CAMSAP1: variants seen among roughly 807,000 people sequenced by gnomAD.
CAMSAP1 encodes the protein calmodulin-regulated spectrin-associated protein 1.
CAMSAP1 carries 58 observed loss-of-function variants against 143.5 expected under a neutral mutation model. The observed-to-expected ratio is 0.40, with a 90% CI of 0.33 to 0.50. The LOEUF (loss-of-function observed/expected upper bound fraction) is 0.50. CAMSAP1 is among the 20% of genes least tolerant of loss of function. The pLI, the probability that CAMSAP1 is intolerant of heterozygous loss-of-function variation, is 0.45. For synonymous variants in CAMSAP1, 945 were observed against 859.3 expected (o/e 1.10, Z -1.74); for missense variants, 1,969 against 2,115.7 (o/e 0.93, Z 1.36).
At chr9:135,906,487 G>C (rs185923176) in intron 1 of CAMSAP1, among the ~76,000 whole-genome samples, 1 of 152,360 alleles carries the variant, frequency 6.6e-6, no homozygotes, top group Admixed American at 6.5e-5. Flanking sequence ...ATTAACCAAA[G>C]GGGATCATTA....
chr9:135,825,588 C>A (rs1411961927), intron 8 of CAMSAP1, among the ~76,000 whole-genome samples: 1 of 152,202 alleles, frequency 6.6e-6, no homozygotes, highest in Non-Finnish European at 1.5e-5. Context: ...GTGTGCGGAT[C>A]GCACAGTTCT....
At chr9:135,832,544 A>G (rs181375135) in intron 7 of CAMSAP1, among the ~76,000 whole-genome samples, 198 of 152,270 alleles carry the variant, frequency 1.3e-3, no homozygotes, top group African/African-American at 4.4e-3. Flanking sequence ...TTTATTCAAC[A>G]CAGTACTGGA....
chr9:135,826,971 T>A lies in CAMSAP1; in HGVS notation c.1223+436A>T, dbSNP rs1835697675. Among the ~76,000 whole-genome samples, 1 of 152,248 alleles carries A rather than the reference T, an allele frequency of 6.6e-6. No homozygotes were observed. Among genetic ancestry groups the A allele is most frequent in the Non-Finnish European group, 1.5e-5 (1 of 68,044 alleles). On this transcript the variant is annotated intron_variant, in intron 8 of 16. Coordinates refer to ENST00000389532, the MANE Select transcript of CAMSAP1 (RefSeq NM_015447.4). The surrounding 1 kb of genome is among the most constrained non-coding windows in gnomAD (Gnocchi z 4.4). ...AGCTCTATACACTTTTTCACTCGAATCAAATTAATTCTTCCCCAAAGAGCA... is the reference window on the plus strand; with the variant it reads ...AGCTCTATACACTTTTTCACTCGAAACAAATTAATTCTTCCCCAAAGAGCA...
intron 1 of CAMSAP1, among the ~76,000 whole-genome samples, chr9:135,904,718 C>CA (rs1838718945): frequency 1.3e-5 from 2 of 151,876 alleles, no homozygotes; most frequent in Admixed American, 6.6e-5. Flanking sequence ...CCTGTAATCC[C>CA]AGCACTTTGG....
rs1426980343 is a variant in CAMSAP1 at position 135,907,252 on chromosome 9, C to T, written c.-93G>A. On this transcript the variant is annotated 5_prime_UTR_variant, in exon 1 of 17. Coordinates refer to ENST00000389532, the MANE Select transcript of CAMSAP1 (RefSeq NM_015447.4). Reference sequence around the variant, plus strand: ...GCCCGGTGCGCCCCGAGCCACCACTCGGCCCCGCAGCCGGCCAGCCGGGAG... The same window carrying T: ...GCCCGGTGCGCCCCGAGCCACCACTTGGCCCCGCAGCCGGCCAGCCGGGAG... The T allele has an allele frequency of 3.5e-6, 3 of 853,410 alleles. No individual in the cohort carries two copies. The highest frequency in any genetic ancestry group is 1.8e-5 in the African/African-American group (1 of 54,132). The allele number at this position is 853,410 out of a possible 1,614,324, so 52.9% of individuals were successfully genotyped here.
At chr9:135,887,763 G>C (rs1386014701) in intron 1 of CAMSAP1, among the ~76,000 whole-genome samples, 5 of 152,150 alleles carry the variant, frequency 3.3e-5, no homozygotes. Context: ...CGGCTACAGG[G>C]GGCAGAGTGA....
At chr9:135,875,099 T>C (rs1368821110) in intron 3 of CAMSAP1, among the ~76,000 whole-genome samples, 2 of 152,202 alleles carry the variant, frequency 1.3e-5, no homozygotes, top group Admixed American at 6.5e-5. Flanking sequence ...CCGAAATTCA[T>C]CTAGCTTCAA....
chr9:135,866,559 TAA>T lies in CAMSAP1; in HGVS notation c.586-25_586-24del, dbSNP rs1252902101. On this transcript the variant is annotated intron_variant, in intron 3 of 16. Coordinates refer to ENST00000389532, the MANE Select transcript of CAMSAP1 (RefSeq NM_015447.4). ...TACCTAAAGTAGAAGAGAAATGCAT[TAA>T]AGAGGTAATTGCTGTCCCGCACAAT... The T allele has an allele frequency of 3.6e-6, 4 of 1,115,706 alleles. No individual in the cohort carries two copies. In the East Asian group the frequency reaches 1.0e-4, roughly 29 times the overall value. The allele number at this position is 1,115,706 out of a possible 1,614,324, so 69.1% of individuals were successfully genotyped here. A position where few individuals can be genotyped will look rare whatever the true frequency, so the allele number is the denominator to read the frequency against.
At chr9:135,855,600 G>A (rs1472206097) in intron 5 of CAMSAP1, among the ~76,000 whole-genome samples, 1 of 151,878 alleles carries the variant, frequency 6.6e-6, no homozygotes, top group Non-Finnish European at 1.5e-5. Context: ...AATTGGCCAG[G>A]TGTGATGGTG....
intron 5 of CAMSAP1, among the ~76,000 whole-genome samples, chr9:135,856,706 G>A (rs1836992384): frequency 6.6e-6 from 1 of 152,204 alleles, no homozygotes; most frequent in African/African-American, 2.4e-5. Flanking sequence ...CCATAACTAT[G>A]TAACCATCTT....
Position 135,834,672 on chromosome 9 carries a change from C to G in CAMSAP1, c.1046-7088G>C, listed in dbSNP as rs7870566. 4.8e-3 allele frequency among the ~76,000 whole-genome samples: 723 copies of G among 152,122 alleles called. 7 individuals are homozygous for G. The highest frequency in any genetic ancestry group is 0.016 in the African/African-American group (674 of 41,502). The stretch of plus-strand genomic sequence containing the variant: ...CAGGGAGATGATGGTCAAAGGGCAC[C>G]AAGTTTCCATTTTAAGGTAAGTAAG... On this transcript the variant is annotated intron_variant, in intron 7 of 16. Coordinates refer to ENST00000389532, the MANE Select transcript of CAMSAP1 (RefSeq NM_015447.4).
intron 1 of CAMSAP1, among the ~76,000 whole-genome samples, chr9:135,883,358 C>T (rs1202461805): frequency 2.6e-5 from 4 of 152,214 alleles, no homozygotes; most frequent in Non-Finnish European, 5.9e-5. Flanking sequence ...GAAATCATTT[C>T]GTGACCTCCA....
rs1179176648 is a variant in CAMSAP1 at position 135,822,378 on chromosome 9, G to T, written c.2283C>A (p.Phe761Leu). ...DFMGEAHPVV[F>L]SRYIGEEESA... ...ACTCTTCCTCCCCAATGTATCTGCT[G>T]AAAACCACAGGATGGGCCTCACCCA... Residue 761 changes from phenylalanine to leucine, a missense_variant, in exon 11 of 17, where the codon TTC becomes TTA. Around this residue, in one of 4 missense-constraint regions of CAMSAP1, gnomAD observed 1,390 missense variants for 1,420.8 expected, o/e 0.98. Transcript: ENST00000389532. The surrounding 1 kb of genome is among the most constrained non-coding windows in gnomAD (Gnocchi z 6.1). The T allele has an allele frequency of 6.2e-7, 1 of 1,613,990 alleles. No individual in the cohort carries two copies. Among genetic ancestry groups the T allele is most frequent in the Non-Finnish European group, 8.5e-7 (1 of 1,179,898 alleles).
chr9:135,850,108 T>C (rs754742177), intron 7 of CAMSAP1, 29 bp downstream of exon 7: 2 of 1,567,682 alleles, frequency 1.3e-6, no homozygotes, highest in South Asian at 1.2e-5. Flanking sequence ...AGGAAACCAT[T>C]GCCAACCTGG....
At chr9:135,881,884 G>C in intron 2 of CAMSAP1, 90 bp from the exon 3 acceptor site, 1 of 1,456,792 alleles carries the variant, frequency 6.9e-7, no homozygotes, top group Non-Finnish European at 9.3e-7. Flanking sequence ...CAGCATTCTG[G>C]CCTAATTTCT....
chr9:135,869,882 A>G (rs952418849), intron 3 of CAMSAP1, among the ~76,000 whole-genome samples: 1 of 152,180 alleles, frequency 6.6e-6, no homozygotes, highest in Admixed American at 6.5e-5. Context: ...CCGCTACAAC[A>G]CAGAAGAACC....
chr9:135,871,301 G>A (rs1564450687), intron 3 of CAMSAP1, among the ~76,000 whole-genome samples: 1 of 152,084 alleles, frequency 6.6e-6, no homozygotes, highest in Non-Finnish European at 1.5e-5. Flanking sequence ...CAATCCTCCT[G>A]CTTCGGTCTC....
At chr9:135,885,338 C>T (rs1257036137) in intron 1 of CAMSAP1, among the ~76,000 whole-genome samples, 1 of 152,214 alleles carries the variant, frequency 6.6e-6, no homozygotes, top group African/African-American at 2.4e-5. Flanking sequence ...TCTGGGGGCA[C>T]CTCGAGCCTA....
chr9:135,903,729 AC>A (rs1367025045), intron 1 of CAMSAP1, among the ~76,000 whole-genome samples: 1 of 152,136 alleles, frequency 6.6e-6, no homozygotes, highest in Admixed American at 6.5e-5. Context: ...TCACCATCAT[AC>A]CCCCAAAAGC....
Sources: allele counts gnomAD v4.1 joint callset (sites outside exome capture counted in the v4.1 genomes callset), GRCh38; gene constraint gnomAD v4.1.1; regional missense constraint gnomAD v4.1.1; non-coding constraint Gnocchi (gnomAD v3.1); transcripts MANE v1.5; gene names NCBI Gene and HGNC (gene_info 2026-07-23, HGNC 2026-07-21).